RBM20: variants seen among roughly 807,000 people sequenced by gnomAD.
RBM20 encodes RNA-binding protein 20.
Under a neutral mutation model 110.1 loss-of-function variants are expected in RBM20, and 51 were observed. The observed-to-expected ratio is 0.46, with a 90% CI of 0.37 to 0.59. The LOEUF (loss-of-function observed/expected upper bound fraction) is 0.59. Among genes scored for constraint, RBM20 ranks in the 20% least tolerant of loss-of-function variants. The pLI, the probability that RBM20 is intolerant of heterozygous loss-of-function variation, is 0.00. For missense variants in RBM20, 1,512 were observed against 1,574.9 expected (o/e 0.96, Z 0.68); for synonymous variants, 589 against 618.2 (o/e 0.95, Z 0.70).
At chr10:110,725,296 C>T (rs1843549024) in intron 1 of RBM20, among the ~76,000 whole-genome samples, 1 of 152,182 alleles carries the variant, frequency 6.6e-6, no homozygotes, top group African/African-American at 2.4e-5. Context: ...ACTTTGCAAA[C>T]AGTTTCAATT....
At chr10:110,816,990 C>G (rs1197012656) in intron 9 of RBM20, among the ~76,000 whole-genome samples, 1 of 152,176 alleles carries the variant, frequency 6.6e-6, no homozygotes, top group Non-Finnish European at 1.5e-5. Flanking sequence ...TGGCCACGTC[C>G]ATACCTGAGA....
chr10:110,734,872 G>A (rs1370203062), intron 1 of RBM20, among the ~76,000 whole-genome samples: 5 of 152,070 alleles, frequency 3.3e-5, no homozygotes, highest in Non-Finnish European at 2.9e-5. Flanking sequence ...AACGTTAAAT[G>A]GGAAATGCCA....
intron 1 of RBM20, among the ~76,000 whole-genome samples, chr10:110,771,300 A>AT (rs1263102998): frequency 2.0e-5 from 3 of 151,406 alleles, no homozygotes; most frequent in South Asian, 2.1e-4. Flanking sequence ...TAATTTTTGT[A>AT]TTTTTTTTAG....
chr10:110,823,740 C>CCTTGTCTCAA, intron 12 of RBM20, 126 bp downstream of exon 12: 19 of 1,008,422 alleles, frequency 1.9e-5, no homozygotes, highest in Non-Finnish European at 2.8e-5. Flanking sequence ...TCTTTTGAGA[C>CCTTGTCTCAA]AAGGTCTCAC....
At chr10:110,772,921 T>G (rs939345845) in intron 1 of RBM20, among the ~76,000 whole-genome samples, 2 of 152,228 alleles carry the variant, frequency 1.3e-5, no homozygotes, top group East Asian at 3.8e-4. Flanking sequence ...CTTAGAGTTA[T>G]CAGATTTCAA....
chr10:110,790,539 A>G (rs1397628129), intron 5 of RBM20, among the ~76,000 whole-genome samples: 15 of 152,398 alleles, frequency 9.8e-5, no homozygotes, highest in Non-Finnish European at 1.5e-5. Flanking sequence ...CAGAGAAAAC[A>G]GAAGTTAAAT....
At chr10:110,783,502 C>T (rs1046822891) in intron 3 of RBM20, 75 bp downstream of exon 3, 23 of 1,222,012 alleles carry the variant, frequency 1.9e-5, no homozygotes, top group Admixed American at 4.0e-5. Context: ...GTGTGTCACA[C>T]GCTGTTTTGA....
At chr10:110,802,430 A>G (rs1428152955) in intron 7 of RBM20, among the ~76,000 whole-genome samples, 1 of 147,632 alleles carries the variant, frequency 6.8e-6, no homozygotes, top group East Asian at 2.0e-4. Context: ...CTTCTTTCAG[A>G]CAAGTAAGCA....
intron 10 of RBM20, 115 bp from the exon 11 acceptor site, chr10:110,821,160 G>C (rs1193218233): frequency 2.4e-6 from 2 of 820,160 alleles, no homozygotes; most frequent in African/African-American, 3.4e-5. Context: ...GTACCAGGTA[G>C]AGGTAAGAAT....
rs115379805 is a variant in RBM20 at position 110,781,077 on chromosome 10, T to A, written c.468T>A (p.Ala156=). 4 of 1,551,858 alleles carry A rather than the reference T, an allele frequency of 2.6e-6. No individual in the cohort carries two copies. In the African/African-American group the frequency reaches 5.5e-5, roughly 21 times the overall value. ...PHGHAGVPQH[A]AAIPSTRFPS... Reference sequence around the variant, plus strand: ...GCCATGCTGGGGTTCCCCAACATGCTGCAGCCATACCCAGTACCCGGTTTC... The same window carrying A: ...GCCATGCTGGGGTTCCCCAACATGCAGCAGCCATACCCAGTACCCGGTTTC... Residue 156 remains alanine (A), a synonymous_variant, in exon 2 of 14, where the codon GCT becomes GCA. Coordinates refer to ENST00000369519, the MANE Select transcript of RBM20 (RefSeq NM_001134363.3).
chr10:110,706,852 G>C (rs1157555308), intron 1 of RBM20, among the ~76,000 whole-genome samples: 1 of 152,080 alleles, frequency 6.6e-6, no homozygotes, highest in Non-Finnish European at 1.5e-5. Flanking sequence ...CAAAGAATGT[G>C]GTCCAGGCCT....
chr10:110,781,389 T>G lies in RBM20; in HGVS notation c.780T>G (p.Ser260Arg), dbSNP rs1844344034. ...CATCCTCGGCCTCAACCTCGGGCAG[T>G]GTGACCTATGAAGGGCACTACAGCC... ...FLPSSASTSG[S>R]VTYEGHYSHT... is the part of the protein sequence containing the mutation. The change falls in exon 2 of 14, where the codon AGT becomes AGG. Residue 260 changes from serine (S) to arginine (R), a missense_variant. By Grantham distance (110) the Ser-to-Arg change is moderately radical. This residue lies in a region of RBM20 where 1,149 missense variants were observed against 1,169.4 expected (regional missense o/e 0.98). Transcript: ENST00000369519. The G allele has an allele frequency of 6.4e-7, 1 of 1,551,718 alleles. No homozygotes were observed. The highest frequency in any genetic ancestry group is 2.0e-5 in the Admixed American group (1 of 51,012).
chr10:110,644,055 G>C (rs1230954419), upstream of RBM20, among the ~76,000 whole-genome samples: 1 of 152,186 alleles, frequency 6.6e-6, no homozygotes, highest in African/African-American at 2.4e-5. The surrounding 1 kb of genome is among the most constrained non-coding windows in gnomAD (Gnocchi z 4.3). Flanking sequence ...TTCCTCACGC[G>C]GTATGCTGCG....
intron 1 of RBM20, among the ~76,000 whole-genome samples, chr10:110,733,090 C>G (rs1348945159): frequency 1.3e-5 from 2 of 152,210 alleles, no homozygotes; most frequent in Non-Finnish European, 2.9e-5. Context: ...AGCACCGTCA[C>G]CACCGTATTG....
chr10:110,802,787 A>T (rs1183833749), intron 7 of RBM20, among the ~76,000 whole-genome samples: 1 of 152,204 alleles, frequency 6.6e-6, no homozygotes, highest in Non-Finnish European at 1.5e-5. Context: ...CGAGGAGCTC[A>T]GTCTGGTGGG....
chr10:110,713,953 A>G (rs1366516999), intron 1 of RBM20, among the ~76,000 whole-genome samples: 1 of 152,218 alleles, frequency 6.6e-6, no homozygotes, highest in Non-Finnish European at 1.5e-5. Context: ...ATTCAGATGT[A>G]TTAATCCCTA....
intron 1 of RBM20, among the ~76,000 whole-genome samples, chr10:110,734,104 T>G (rs1186299490): frequency 6.6e-6 from 1 of 152,242 alleles, no homozygotes; most frequent in Non-Finnish European, 1.5e-5. Flanking sequence ...CATTCTGTCT[T>G]GAATTATTTG....
intron 1 of RBM20, among the ~76,000 whole-genome samples, chr10:110,702,693 A>G (rs1391382695): frequency 6.6e-6 from 1 of 152,212 alleles, no homozygotes; most frequent in Non-Finnish European, 1.5e-5. Flanking sequence ...ACTAGCCCTC[A>G]TGGGCGTAAT....
intron 1 of RBM20, among the ~76,000 whole-genome samples, chr10:110,689,706 G>A (rs1862558516): frequency 6.6e-6 from 1 of 152,206 alleles, no homozygotes; most frequent in Non-Finnish European, 1.5e-5. Flanking sequence ...CCACAGTGTA[G>A]AGTCCCTCCT....
Sources: gnomAD v4.1 joint callset for allele counts (sites outside exome capture counted in the v4.1 genomes callset) on GRCh38, gnomAD v4.1.1 for gene constraint, gnomAD v4.1.1 regional missense constraint, Gnocchi (gnomAD v3.1) non-coding constraint, MANE v1.5 for transcripts, NCBI Gene and HGNC (gene_info 2026-07-23, HGNC 2026-07-21) for gene names.